The following ZCWPW2 variants were observed in gnomAD, a reference collection of about 807,000 sequenced individuals.
The protein encoded by ZCWPW2 is zinc finger CW-type and PWWP domain containing 2, also known as zinc finger CW-type PWWP domain protein 2.
In ZCWPW2, 45 loss-of-function variants were observed where a neutral mutation model predicts 46.6. That is an observed-to-expected ratio of 0.96 (90% CI 0.76 to 1.24). The LOEUF is 1.24. ZCWPW2 is among the 50% of genes most tolerant of loss of function. ZCWPW2 has a pLI of 0.00. For missense variants in ZCWPW2, 429 were observed against 403.9 expected, an observed-to-expected ratio of 1.06 and a Z score of -0.53; for synonymous variants, 152 against 137.1, an observed-to-expected ratio of 1.11 and a Z score of -0.76.
chr3:28,401,385 A>G (rs1376888856), intron 2 of ZCWPW2, among the ~76,000 whole-genome samples: 2 of 152,238 alleles, frequency 1.3e-5, no homozygotes, highest in East Asian at 3.9e-4. Flanking sequence ...GACTCACCTA[A>G]CACATGAAGA....
intron 6 of ZCWPW2, among the ~76,000 whole-genome samples, chr3:28,500,606 T>C (rs914707786): frequency 5.9e-5 from 9 of 152,168 alleles, no homozygotes; most frequent in Non-Finnish European, 1.2e-4. Flanking sequence ...TGATAAAAAG[T>C]ATTTCTCTCC....
intron 3 of ZCWPW2, among the ~76,000 whole-genome samples, chr3:28,422,683 A>G (rs1176692527): frequency 1.3e-5 from 2 of 152,206 alleles, no homozygotes; most frequent in Non-Finnish European, 2.9e-5. Context: ...ATACACATCC[A>G]TGTGCAACCT....
At chr3:28,384,787 T>A (rs1212042350) in intron 1 of ZCWPW2, among the ~76,000 whole-genome samples, 1 of 152,074 alleles carries the variant, frequency 6.6e-6, no homozygotes, top group Non-Finnish European at 1.5e-5. Flanking sequence ...CTAATTTTTT[T>A]ATATTTTTAG....
chr3:28,466,717 T>G (rs1048055749), intron 4 of ZCWPW2, among the ~76,000 whole-genome samples: 1 of 152,080 alleles, frequency 6.6e-6, no homozygotes, highest in African/African-American at 2.4e-5. Flanking sequence ...GAAAATTGCT[T>G]GAACCCAGGA....
chr3:28,491,995 A>G lies in ZCWPW2; in HGVS notation c.611-132A>G, dbSNP rs17021482. ...GCTCAGTTTACTAGCATATTAATTA[A>G]AGGGACAACGGGAACAAAATACTGT... On this transcript the variant is annotated intron_variant, in intron 5 of 9. Coordinates refer to ENST00000383768, the MANE Select transcript of ZCWPW2 (RefSeq NM_001040432.4). The G allele has an allele frequency of 2.1e-3, 1,788 of 846,226 alleles. 30 individuals carry two copies. The African/African-American group carries it at 0.027, about 13-fold the overall frequency. The allele number at this position is 846,226 out of a possible 1,614,324, so 52.4% of individuals were successfully genotyped here.
chr3:28,475,521 C>T (rs1289746567), intron 4 of ZCWPW2, among the ~76,000 whole-genome samples: 1 of 152,174 alleles, frequency 6.6e-6, no homozygotes, highest in Admixed American at 6.5e-5. Context: ...ATGCTCAGAA[C>T]TCTGCCATGG....
intron 3 of ZCWPW2, among the ~76,000 whole-genome samples, chr3:28,422,173 A>G (rs1696819035): frequency 6.6e-6 from 1 of 152,064 alleles, no homozygotes; most frequent in African/African-American, 2.4e-5. Flanking sequence ...GGTGTGGTAC[A>G]TTTGTTATAA....
At chr3:28,396,212 A>G (rs1466415642) in intron 2 of ZCWPW2, among the ~76,000 whole-genome samples, 1 of 152,176 alleles carries the variant, frequency 6.6e-6, no homozygotes, top group Non-Finnish European at 1.5e-5. Context: ...TCTAGAGATT[A>G]TACAGCTAGA....
chr3:28,378,583 G>C (rs1318501962), intron 1 of ZCWPW2, among the ~76,000 whole-genome samples: 2 of 152,008 alleles, frequency 1.3e-5, no homozygotes, highest in Non-Finnish European at 2.9e-5. Context: ...TAACTGACTT[G>C]CCTTAATTTG....
intron 4 of ZCWPW2, among the ~76,000 whole-genome samples, chr3:28,468,993 A>G (rs1175004841): frequency 6.6e-6 from 1 of 152,170 alleles, no homozygotes; most frequent in Non-Finnish European, 1.5e-5. Flanking sequence ...ACCAATCAAA[A>G]ATAGTAACTG....
intron 1 of ZCWPW2, among the ~76,000 whole-genome samples, chr3:28,359,855 C>G (rs2125692288): frequency 6.6e-6 from 1 of 152,172 alleles, no homozygotes; most frequent in East Asian, 1.9e-4. Flanking sequence ...CTTGGCTAAA[C>G]TTTTGAAACC....
At position 28,348,906 on chromosome 3, in the gene ZCWPW2, C is replaced by T. The variant is rs1704399312; in HGVS notation, c.-431C>T. 1.0e-6 allele frequency: 1 copy of T among 973,272 alleles called. No homozygotes were observed. The highest frequency in any genetic ancestry group is 1.2e-6 in the Non-Finnish European group (1 of 818,764). The allele number at this position is 973,272 out of a possible 1,614,324, so 60.3% of individuals were successfully genotyped here. ...AATACGCGCGCGAGACCCAGGCCCG[C>T]CGTCGGGACCAGCACGGGCCGGAGG... is the stretch of plus-strand genomic sequence containing the variant. On this transcript the variant is annotated 5_prime_UTR_variant, in exon 1 of 10. Transcript: ENST00000383768.
intron 6 of ZCWPW2, among the ~76,000 whole-genome samples, chr3:28,508,629 T>C (rs1700342729): frequency 6.6e-6 from 1 of 152,164 alleles, no homozygotes; most frequent in Non-Finnish European, 1.5e-5. Flanking sequence ...GCAATTCTCG[T>C]GCTTCAGCCT....
At chr3:28,467,618 AC>A (rs1698875973) in intron 4 of ZCWPW2, among the ~76,000 whole-genome samples, 1 of 152,072 alleles carries the variant, frequency 6.6e-6, no homozygotes, top group Non-Finnish European at 1.5e-5. Flanking sequence ...GTGTCACCTC[AC>A]CCCCAGCCCC....
At chr3:28,476,390 A>G (rs1699239887) in intron 4 of ZCWPW2, among the ~76,000 whole-genome samples, 1 of 152,210 alleles carries the variant, frequency 6.6e-6, no homozygotes, top group Non-Finnish European at 1.5e-5. Context: ...TAGTACCACT[A>G]GGTGGCACAT....
At chr3:28,444,333 C>T (rs1243007335) in intron 4 of ZCWPW2, among the ~76,000 whole-genome samples, 1 of 152,110 alleles carries the variant, frequency 6.6e-6, no homozygotes, top group Non-Finnish European at 1.5e-5. Context: ...GAGGGTGGCT[C>T]CTGAGGAGAA....
intron 6 of ZCWPW2, among the ~76,000 whole-genome samples, chr3:28,502,380 A>G (rs1208814647): frequency 6.6e-6 from 1 of 152,092 alleles, no homozygotes; most frequent in Non-Finnish European, 1.5e-5. Flanking sequence ...TTGCTCCTTA[A>G]GTTAAAAAAG....
intron 3 of ZCWPW2, among the ~76,000 whole-genome samples, chr3:28,424,958 C>T (rs1260268119): frequency 3.3e-5 from 5 of 152,110 alleles, no homozygotes; most frequent in African/African-American, 1.2e-4. Context: ...TTTCTTGTCT[C>T]TAATTAACAT....
chr3:28,466,829 A>G (rs1379486119), intron 4 of ZCWPW2, among the ~76,000 whole-genome samples: 1 of 152,084 alleles, frequency 6.6e-6, no homozygotes, highest in Non-Finnish European at 1.5e-5. Context: ...ATAAAACATG[A>G]GTAAATGGAA....
Sources: gnomAD v4.1 joint callset for allele counts (sites outside exome capture counted in the v4.1 genomes callset) on GRCh38, gnomAD v4.1.1 for gene constraint, MANE v1.5 for transcripts, NCBI Gene and HGNC (gene_info 2026-07-23, HGNC 2026-07-21) for gene names.